The following SULT1A1 variants were observed in gnomAD, a reference collection of about 807,000 sequenced individuals.
The protein encoded by SULT1A1 is sulfotransferase family 1A member 1, also known as sulfotransferase 1A1.
SULT1A1 carries 35 observed loss-of-function variants against 36.8 expected under a neutral mutation model. The observed-to-expected ratio is 0.95, with a 90% CI of 0.73 to 1.26. The LOEUF (loss-of-function observed/expected upper bound fraction) is 1.26. Ranked by LOEUF, SULT1A1 falls within the 50% of genes most tolerant of loss-of-function variation. The pLI is 0.00. For missense variants in SULT1A1, 309 were observed against 383.0 expected (o/e 0.81, Z 1.61); for synonymous variants, 119 against 146.0 (o/e 0.82, Z 1.33).
intron 2 of SULT1A1, among the ~76,000 whole-genome samples, chr16:28,619,757 T>TATATATCC (rs56034025): frequency 0.6 from 89,100 of 148,386 alleles, 27,845 homozygotes; most frequent in East Asian, 0.93. Context: ...TATACATATA[T>TATATATCC]ATATATAGAC....
Position 28,610,000 on chromosome 16 carries a change from A to C in SULT1A1, c.-74T>G. 2 of 1,287,378 alleles carry C rather than the reference A, an allele frequency of 1.6e-6. No individual in the cohort carries two copies. Among genetic ancestry groups the C allele is most frequent in the Non-Finnish European group, 1.0e-6 (1 of 987,222 alleles). The allele number at this position is 1,287,378 out of a possible 1,614,324, so 79.7% of individuals were successfully genotyped here. A position where few individuals can be genotyped will look rare whatever the true frequency, so the allele number is the denominator to read the frequency against. On this transcript the variant is annotated 5_prime_UTR_variant, in exon 1 of 8. It adds an upstream start codon to the 5' untranslated region. Transcript: ENST00000314752. ...GGCTGATTGTGGGTGTTGTGTGGGG[A>C]ATGCAGGGTTGTTCTCTGAGCTGAG...
intron 4 of SULT1A1, 60 bp from the exon 5 acceptor site, chr16:28,607,137 T>G (rs1446085204): frequency 1.2e-6 from 2 of 1,601,176 alleles, no homozygotes; most frequent in Non-Finnish European, 1.7e-6. Context: ...CCAGGCCAGC[T>G]CATCTCTTGG....
At chr16:28,606,569 A>G (rs116840534) in intron 6 of SULT1A1, among the ~76,000 whole-genome samples, 192 bp downstream of exon 6, 51,069 of 149,996 alleles carry the variant, frequency 0.34, 8,938 homozygotes, top group Admixed American at 0.4. Context: ...CTCAGGTGCG[A>G]GAGATGAGAG....
chr16:28,620,713 C>T (rs1013560295), intron 1 of SULT1A1, among the ~76,000 whole-genome samples: 2 of 152,116 alleles, frequency 1.3e-5, no homozygotes, highest in Admixed American at 6.6e-5. Flanking sequence ...CAAAAACAAT[C>T]CAGTTACAAT....
rs56103108 is a variant in SULT1A1 at position 28,609,133 on chromosome 16, C to T, written c.-4-274G>A. On this transcript the variant is annotated intron_variant, in intron 1 of 7. Transcript: ENST00000314752. ...TGCAGACCAGTGAAAGCACCCTCGT[C>T]GGGCAAGGCCCAGATGTCAGGGTGT... 188 of 1,401,324 alleles carry T rather than the reference C, an allele frequency of 1.3e-4. 3 individuals carry two copies. The highest frequency in any genetic ancestry group is 2.6e-4 in the Middle Eastern group (1 of 3,774). The allele number at this position is 1,401,324 out of a possible 1,614,324, so 86.8% of individuals were successfully genotyped here.
At chr16:28,623,180 C>G in exon 1 of SULT1A1, 1 of 1,551,280 alleles carries the variant, frequency 6.4e-7, no homozygotes, top group Non-Finnish European at 8.7e-7. Context: ...CCTGGTCGCA[C>G]AGCAACTTGG....
At chr16:28,617,525 G>A (rs2151718696) in intron 2 of SULT1A1, among the ~76,000 whole-genome samples, 1 of 151,998 alleles carries the variant, frequency 6.6e-6, no homozygotes, top group Middle Eastern at 3.4e-3. Flanking sequence ...GCACCTGGAA[G>A]ACAGTTTCTT....
rs144979115 is a variant in SULT1A1 at position 28,609,278 on chromosome 16, C to G, written c.-4-419G>C. 9.0e-3 allele frequency: 11,305 copies of G among 1,258,498 alleles called. 8 individuals are homozygous for G. The highest frequency in any genetic ancestry group is 0.013 in the Middle Eastern group (51 of 3,782). 78.0% of individuals were successfully genotyped at this position (1,258,498 alleles called of 1,614,324 possible). A position where few individuals can be genotyped will look rare whatever the true frequency, so the allele number is the denominator to read the frequency against. On this transcript the variant is annotated intron_variant, in intron 1 of 7. Transcript: ENST00000314752. ...TCCTGCTGGGACCCCCAGCCTCCAC[C>G]CAGTGGAGATGCTCCCCTCCTTGAG...
In SULT1A1 at chr16:28,605,733, C is replaced by T; in HGVS notation, c.*88G>A. The T allele has an allele frequency of 6.3e-7, 1 of 1,587,572 alleles. No individual in the cohort carries two copies. The highest frequency in any genetic ancestry group is 8.6e-7 in the Non-Finnish European group (1 of 1,164,670). The stretch of plus-strand genomic sequence containing the variant: ...TGGGATTACAGACATGACCTACCGT[C>T]CCGGGCCCTCAATTCATATTTTATT... On this transcript the variant is annotated 3_prime_UTR_variant, in exon 8 of 8. Transcript: ENST00000314752.
chr16:28,620,563 CAAAAAAAA>C (rs5816469), intron 1 of SULT1A1, among the ~76,000 whole-genome samples: 1 of 90,840 alleles, frequency 1.1e-5, no homozygotes, highest in African/African-American at 4.2e-5. Flanking sequence ...GACCCTGTCT[CAAAAAAAA>C]AAAAAAAAAA....
upstream of SULT1A1, chr16:28,610,715 C>T (rs1220924237): frequency 2.0e-5 from 3 of 153,762 alleles, no homozygotes; most frequent in Non-Finnish European, 2.9e-5. Context: ...GAACCACAAC[C>T]CGTGGCAGGT....
chr16:28,621,482 CAAAAAAAAAAAAA>C (rs59910514), intron 1 of SULT1A1, among the ~76,000 whole-genome samples: 1 of 59,544 alleles, frequency 1.7e-5, no homozygotes, highest in Non-Finnish European at 2.7e-5. Flanking sequence ...GACTCTGTCT[CAAAAAAAAAAAAA>C]AAAAAAAAAA....
intron 2 of SULT1A1, among the ~76,000 whole-genome samples, chr16:28,619,876 T>C (rs1250538501): frequency 6.6e-6 from 1 of 151,724 alleles, no homozygotes; most frequent in South Asian, 2.1e-4. Flanking sequence ...TTTTAAATCT[T>C]TATAAATATG....
At chr16:28,610,250 G>GT, upstream of SULT1A1, 1 of 572,616 alleles carries the variant, frequency 1.7e-6, no homozygotes, top group Non-Finnish European at 2.5e-6. Flanking sequence ...TGTTTTTGTA[G>GT]GTTTTTTTTT....
At chr16:28,623,260 T>G in exon 1 of SULT1A1, 1 of 1,544,740 alleles carries the variant, frequency 6.5e-7, no homozygotes, top group Non-Finnish European at 8.7e-7. Flanking sequence ...TAGTTGAAGT[T>G]GGCGTGGAAG....
At position 28,606,927 on chromosome 16, in the gene SULT1A1, T is replaced by C. The variant is rs764706137; in HGVS notation, c.499+24A>G. The C allele has an allele frequency of 2.9e-5, 46 of 1,612,326 alleles. 1 individual carries two copies. The highest frequency in any genetic ancestry group is 3.6e-5 in the Non-Finnish European group (43 of 1,178,664). On this transcript the variant is annotated intron_variant, in intron 5 of 7. Transcript: ENST00000314752. ...TAGCCACCACCCCTTAGCTCCACACTTTCCTTCCTCCCATCAAACCCACCT... is the reference window on the plus strand; with the variant it reads ...TAGCCACCACCCCTTAGCTCCACACCTTCCTTCCTCCCATCAAACCCACCT...
In SULT1A1 at chr16:28,605,400, A is replaced by G. The variant is rs2047135548; in HGVS notation, c.*421T>C. ...ATCCTCCTGCCTTCACTTGTCAAGT[A>G]GCTGGGACTACAGGTGCCCACCATC... On this transcript the variant is annotated 3_prime_UTR_variant, in exon 8 of 8. Transcript: ENST00000314752. The G allele has an allele frequency of 6.9e-6, 2 of 289,754 alleles. No homozygotes were observed. The highest frequency in any genetic ancestry group is 4.4e-5 in the African/African-American group (2 of 45,192). 17.9% of individuals were successfully genotyped at this position (289,754 alleles called of 1,614,324 possible). A position where few individuals can be genotyped will look rare whatever the true frequency, so the allele number is the denominator to read the frequency against.
In SULT1A1 at chr16:28,606,097, T is replaced by C. The variant is rs763586822; in HGVS notation, c.734A>G (p.Gln245Arg). The C allele has an allele frequency of 2.5e-6, 4 of 1,570,262 alleles. No homozygotes were observed. The highest frequency in any genetic ancestry group is 2.4e-5 in the East Asian group (1 of 41,352). ...GGAGATGCTGTGGTCCATGAACTCCTGGGGGACGGTGGTGTAGTTGGTCAT... is the reference window on the plus strand; with the variant it reads ...GGAGATGCTGTGGTCCATGAACTCCCGGGGGACGGTGGTGTAGTTGGTCAT... ...NPMTNYTTVPQEFMDHSISPF... is the reference protein window; with the variant it reads ...NPMTNYTTVPREFMDHSISPF... Residue 245 changes from glutamine (Q) to arginine (R), a missense_variant, in exon 7 of 8, where the codon CAG (glutamine) becomes CGG (arginine). Transcript: ENST00000314752.
chr16:28,606,372 A>ACTG, intron 6 of SULT1A1, 136 bp from the exon 7 acceptor site: 1 of 1,474,900 alleles, frequency 6.8e-7, no homozygotes, highest in Non-Finnish European at 9.3e-7. Context: ...CTCAACCCCC[A>ACTG]GGGCCCCAGT....
Sources: allele counts gnomAD v4.1 joint callset (sites outside exome capture counted in the v4.1 genomes callset), GRCh38; gene constraint gnomAD v4.1.1; transcripts MANE v1.5; gene names NCBI Gene and HGNC (gene_info 2026-07-23, HGNC 2026-07-21).